Variants in CACNA1C observed in about 807,000 individuals in gnomAD.
CACNA1C encodes voltage-dependent L-type calcium channel subunit alpha-1C.
In CACNA1C, 30 loss-of-function variants were observed where a neutral mutation model predicts 229.0. That is an observed-to-expected ratio of 0.13 (90% CI 0.10 to 0.18). The LOEUF is 0.18. CACNA1C is among the 10% of genes least tolerant of loss of function. The pLI is 1.00. For missense variants in CACNA1C, 1,658 were observed against 2,845.0 expected (o/e 0.58, Z 9.49); for synonymous variants, 1,114 against 1,132.5 (o/e 0.98, Z 0.33).
intron 7 of CACNA1C, among the ~76,000 whole-genome samples, chr12:2,502,403 A>G (rs1364659547): frequency 6.6e-6 from 1 of 152,214 alleles, no homozygotes; most frequent in African/African-American, 2.4e-5. Context: ...ACAGCAAATA[A>G]TACACGTAAT....
chr12:2,677,178 G>A lies in CACNA1C; in HGVS notation c.4913G>A (p.Gly1638Asp). 1 of 1,613,888 alleles carries A rather than the reference G, an allele frequency of 6.2e-7. No individual in the cohort carries two copies. Among genetic ancestry groups the A allele is most frequent in the Non-Finnish European group, 8.5e-7 (1 of 1,179,856 alleles). ...AAGTTCAAGAAGCGCAAAGAGCAGG[G>A]CCTTGTGGGCAAGCCCTCCCAGAGG... is the stretch of plus-strand genomic sequence containing the variant. ...FRKFKKRKEQ[G>D]LVGKPSQRNA... The change falls in exon 40 of 47, where the codon GGC becomes GAC. Residue 1638 changes from glycine to aspartate, a missense_variant. Around this residue, in one of 20 missense-constraint regions of CACNA1C, gnomAD observed 590 missense variants for 700.8 expected, o/e 0.84. Coordinates refer to ENST00000399655, the MANE Select transcript of CACNA1C (RefSeq NM_000719.7). This position sits in a 1 kb window ranked among gnomAD's most constrained non-coding sequence, Gnocchi z 7.4.
chr12:2,544,897 A>G (rs372677492), intron 9 of CACNA1C, among the ~76,000 whole-genome samples: 9 of 152,208 alleles, frequency 5.9e-5, no homozygotes, highest in Non-Finnish European at 1.0e-4. Flanking sequence ...CTGTTGGCCA[A>G]TGCCAGCTGC....
intron 30 of CACNA1C, among the ~76,000 whole-genome samples, chr12:2,642,842 A>G (rs534676219): frequency 3.3e-5 from 5 of 152,346 alleles, no homozygotes; most frequent in Non-Finnish European, 5.9e-5. Flanking sequence ...CCAGGGGAAG[A>G]TGAAACTCCC....
chr12:2,145,421 T>C (rs1236174072), intron 3 of CACNA1C, among the ~76,000 whole-genome samples: 1 of 151,254 alleles, frequency 6.6e-6, no homozygotes, highest in Middle Eastern at 3.2e-3. Context: ...ATCTCAAACA[T>C]TTGTAATTCT....
chr12:2,107,354 G>A (rs1341978280), intron 1 of CACNA1C, among the ~76,000 whole-genome samples: 4 of 64,960 alleles, frequency 6.2e-5, no homozygotes, highest in Non-Finnish European at 1.4e-4. Flanking sequence ...ACCACTGGGC[G>A]CCCACCCCGG....
chr12:2,208,914 C>G (rs905431349), intron 3 of CACNA1C, among the ~76,000 whole-genome samples: 14 of 152,198 alleles, frequency 9.2e-5, no homozygotes, highest in Admixed American at 9.2e-4. Context: ...GACCTGACCA[C>G]TCTAATGATT....
chr12:2,549,558 A>G (rs1436202634), intron 9 of CACNA1C, among the ~76,000 whole-genome samples: 6 of 152,086 alleles, frequency 3.9e-5, no homozygotes, highest in African/African-American at 1.4e-4. Flanking sequence ...AAAATGATAT[A>G]TTTTCATGAA....
chr12:2,548,287 G>A (rs746004040), intron 9 of CACNA1C, among the ~76,000 whole-genome samples: 5 of 152,172 alleles, frequency 3.3e-5, no homozygotes, highest in Non-Finnish European at 1.5e-5. Flanking sequence ...GCCCCTGTTT[G>A]GCTACTCACT....
In CACNA1C at chr12:2,665,690, A is replaced by G; in HGVS notation, c.4508A>G (p.Glu1503Gly). ...GATGAGTTTAAAAGAATCTGGGCAGAGTATGACCCTGAAGCCAAGTAAGTT... is the reference window on the plus strand; with the variant it reads ...GATGAGTTTAAAAGAATCTGGGCAGGGTATGACCCTGAAGCCAAGTAAGTT... ...HLDEFKRIWA[E>G]YDPEAKGRIK... Residue 1503 changes from glutamate to glycine, a missense_variant, in exon 36 of 47, where the codon GAG becomes GGG. By Grantham distance (98) the Glu-to-Gly change is moderately conservative. Transcript: ENST00000399655. This position sits in a 1 kb window ranked among gnomAD's most constrained non-coding sequence, Gnocchi z 5.9. 1 of 1,613,298 alleles carries G rather than the reference A, an allele frequency of 6.2e-7. No homozygotes were observed. Among genetic ancestry groups the G allele is most frequent in the Non-Finnish European group, 8.5e-7 (1 of 1,179,456 alleles).
chr12:2,478,232 G>T (rs1357451143), intron 5 of CACNA1C, among the ~76,000 whole-genome samples: 2 of 152,092 alleles, frequency 1.3e-5, no homozygotes, highest in Non-Finnish European at 1.5e-5. Context: ...CGTCCTTTGG[G>T]CATAATTCTT....
Position 2,602,450 on chromosome 12 carries a change from G to T in CACNA1C, c.2960+490G>T, listed in dbSNP as rs1272402276. Reference sequence around the variant, plus strand: ...AAGTGTGGGGTGTATGTGTGCACGTGTGTGGATGTGTGGGGTGTGTGTATA... The same window carrying T: ...AAGTGTGGGGTGTATGTGTGCACGTTTGTGGATGTGTGGGGTGTGTGTATA... On this transcript the variant is annotated intron_variant, in intron 22 of 46. Transcript: ENST00000399655. The surrounding 1 kb of genome is among the most constrained non-coding windows in gnomAD (Gnocchi z 4.4). Among the ~76,000 whole-genome samples, 1 of 152,046 alleles carries T rather than the reference G, an allele frequency of 6.6e-6. No homozygotes were observed. Among genetic ancestry groups the T allele is most frequent in the Admixed American group, 6.6e-5 (1 of 15,248 alleles).
intron 1 of CACNA1C, among the ~76,000 whole-genome samples, chr12:1,996,400 C>G (rs2040795715): frequency 6.6e-6 from 1 of 151,926 alleles, no homozygotes; most frequent in African/African-American, 2.4e-5. Flanking sequence ...CTTTAACACA[C>G]CAGGTTCTCC....
chr12:2,415,390 C>A (rs977290605), intron 3 of CACNA1C, among the ~76,000 whole-genome samples: 4 of 152,192 alleles, frequency 2.6e-5, no homozygotes, highest in African/African-American at 9.6e-5. Flanking sequence ...CCCGTGGAGG[C>A]CGCGCAGCGC....
intron 1 of CACNA1C, among the ~76,000 whole-genome samples, chr12:2,107,384 T>TG (rs1277096193): frequency 4.5e-5 from 1 of 21,988 alleles, no homozygotes; most frequent in Admixed American, 4.1e-4. Flanking sequence ...CCACCTCAGC[T>TG]GGGCGTCCTG....
At chr12:2,591,043 C>A (rs1386399345) in intron 18 of CACNA1C, among the ~76,000 whole-genome samples, 2 of 152,160 alleles carry the variant, frequency 1.3e-5, no homozygotes, top group Non-Finnish European at 2.9e-5. Context: ...AGTTTTTCAT[C>A]TTGGGCCTCT....
intron 3 of CACNA1C, among the ~76,000 whole-genome samples, chr12:2,421,652 C>A (rs566089560): frequency 5.3e-5 from 8 of 152,186 alleles, no homozygotes; most frequent in Non-Finnish European, 1.2e-4. Flanking sequence ...GTGGCTCACA[C>A]CTGTAATCCC....
intron 13 of CACNA1C, among the ~76,000 whole-genome samples, chr12:2,571,534 A>T (rs747820526): frequency 5.2e-4 from 79 of 152,238 alleles, no homozygotes; most frequent in Admixed American, 9.8e-4. Context: ...AAGATTTAAC[A>T]TTCATTCTAT....
chr12:2,124,359 A>G (rs2088920782), intron 3 of CACNA1C, among the ~76,000 whole-genome samples: 1 of 152,136 alleles, frequency 6.6e-6, no homozygotes, highest in Admixed American at 6.5e-5. Flanking sequence ...CAAGAAGAGG[A>G]TGCCATAAGA....
intron 3 of CACNA1C, among the ~76,000 whole-genome samples, chr12:2,326,853 C>G (rs2096321298): frequency 6.6e-6 from 1 of 152,212 alleles, no homozygotes; most frequent in Non-Finnish European, 1.5e-5. Flanking sequence ...GTTCAATTGT[C>G]CTTAACCAGG....
Sources: gnomAD v4.1 joint callset for allele counts (sites outside exome capture counted in the v4.1 genomes callset) on GRCh38, gnomAD v4.1.1 for gene constraint, gnomAD v4.1.1 regional missense constraint, Gnocchi (gnomAD v3.1) non-coding constraint, MANE v1.5 for transcripts, NCBI Gene and HGNC (gene_info 2026-07-23, HGNC 2026-07-21) for gene names.